SUDS3: variants seen among roughly 807,000 people sequenced by gnomAD.
The protein encoded by SUDS3 is sin3 histone deacetylase corepressor complex component SDS3.
In SUDS3, 23 loss-of-function variants were observed where a neutral mutation model predicts 53.5. That is an observed-to-expected ratio of 0.43 (90% CI 0.31 to 0.61). The LOEUF is 0.61. Among genes scored for constraint, SUDS3 ranks in the 20% least tolerant of loss-of-function variants. SUDS3 has a pLI of 0.10. For missense variants in SUDS3, 291 were observed against 405.9 expected (o/e 0.72, Z 2.43); for synonymous variants, 150 against 148.5 (o/e 1.01, Z -0.08).
At chr12:118,402,231 T>A in intron 9 of SUDS3, 1 of 562,662 alleles carries the variant, frequency 1.8e-6, no homozygotes, top group Non-Finnish European at 3.1e-6. Context: ...TTAGGATTTA[T>A]CATAAAAGAG....
intron 8 of SUDS3, 25 bp from the exon 9 acceptor site, chr12:118,401,958 T>A (rs1264244033): frequency 6.2e-7 from 1 of 1,613,922 alleles, no homozygotes; most frequent in East Asian, 2.2e-5. Flanking sequence ...TTCTCTAAGA[T>A]TTTTTGTTGT....
chr12:118,412,381 A>G (rs1164003633), intron 11 of SUDS3, among the ~76,000 whole-genome samples: 1 of 152,252 alleles, frequency 6.6e-6, no homozygotes, highest in African/African-American at 2.4e-5. Context: ...TGGATTATGA[A>G]GTAACTTAAG....
Position 118,389,927 on chromosome 12 carries a change from A to G in SUDS3, c.341A>G (p.Glu114Gly), listed in dbSNP as rs201143743. 14 of 1,613,914 alleles carry G rather than the reference A, an allele frequency of 8.7e-6. No individual in the cohort carries two copies. The highest frequency in any genetic ancestry group is 1.1e-5 in the Non-Finnish European group (13 of 1,179,892). ...TAATTGCACTTTTTATCTCTTGCAG[A>G]ACTCTTCCTCCAGCTGGAAGTAAGT... ...QQYKERIRNAELFLQLETEQV... is the reference protein window; with the variant it reads ...QQYKERIRNAGLFLQLETEQV... Residue 114 changes from glutamate (E) to glycine (G), a missense_variant and splice_region_variant, in exon 5 of 12, where the codon GAA (glutamate) becomes GGA (glycine). Glu to Gly is a moderately conservative substitution (Grantham distance 98). Transcript: ENST00000543473.
chr12:118,379,505 A>C (rs1026657332), intron 1 of SUDS3, among the ~76,000 whole-genome samples: 1 of 152,170 alleles, frequency 6.6e-6, no homozygotes, highest in Non-Finnish European at 1.5e-5. Flanking sequence ...TTTGTCAGAG[A>C]CTTGAGCAGC....
At chr12:118,406,635 T>G (rs1396998373) in intron 10 of SUDS3, among the ~76,000 whole-genome samples, 1 of 152,152 alleles carries the variant, frequency 6.6e-6, no homozygotes, top group Non-Finnish European at 1.5e-5. Context: ...CATTTGGGGC[T>G]TAGTCTTTGA....
chr12:118,393,257 T>C (rs1331830227), intron 6 of SUDS3, among the ~76,000 whole-genome samples: 1 of 152,228 alleles, frequency 6.6e-6, no homozygotes, highest in African/African-American at 2.4e-5. Flanking sequence ...CCAATATCAT[T>C]GTTGCCCAGC....
In SUDS3 at chr12:118,386,140, A is replaced by G; in HGVS notation, c.295A>G (p.Met99Val). Residue 99 changes from methionine to valine, a missense_variant, in exon 4 of 12, where the codon ATG becomes GTG. Transcript: ENST00000543473. ...TACATTACAGGAATATCAGAAGAGA[A>G]TGAAAAAACTAGATCAGCAGTACAA... ...EGTLQEYQKR[M>V]KKLDQQYKER... 1 of 1,601,680 alleles carries G rather than the reference A, an allele frequency of 6.2e-7. No individual in the cohort carries two copies. Among genetic ancestry groups the G allele is most frequent in the Non-Finnish European group, 8.5e-7 (1 of 1,173,816 alleles).
At chr12:118,379,386 G>A (rs1207347956) in intron 1 of SUDS3, among the ~76,000 whole-genome samples, 2 of 152,096 alleles carry the variant, frequency 1.3e-5, no homozygotes, top group African/African-American at 2.4e-5. Context: ...GCAGTGAGCC[G>A]AGATTGTGCC....
intron 4 of SUDS3, among the ~76,000 whole-genome samples, chr12:118,386,677 C>T (rs2046117562): frequency 6.6e-6 from 1 of 151,830 alleles, no homozygotes; most frequent in African/African-American, 2.4e-5. Flanking sequence ...TGTATTCATT[C>T]AACAAAAATG....
At chr12:118,385,854 G>A (rs1254104837) in intron 3 of SUDS3, among the ~76,000 whole-genome samples, 4 of 152,158 alleles carry the variant, frequency 2.6e-5, no homozygotes, top group African/African-American at 9.7e-5. Flanking sequence ...GATCAGAATA[G>A]TGTGGAGATA....
chr12:118,392,735 C>T (rs2046178758), intron 6 of SUDS3, among the ~76,000 whole-genome samples: 1 of 152,200 alleles, frequency 6.6e-6, no homozygotes, highest in Non-Finnish European at 1.5e-5. Context: ...TCTGCTAGAG[C>T]CACCAGATGT....
chr12:118,379,673 C>G (rs1255671136), intron 1 of SUDS3, among the ~76,000 whole-genome samples: 1 of 152,166 alleles, frequency 6.6e-6, no homozygotes, highest in African/African-American at 2.4e-5. Flanking sequence ...GCGAGTAAGG[C>G]TTGACTGCCT....
intron 10 of SUDS3, among the ~76,000 whole-genome samples, chr12:118,409,592 C>T (rs928806458): frequency 7.2e-5 from 11 of 152,190 alleles, no homozygotes; most frequent in East Asian, 5.8e-4. Flanking sequence ...CTTTACTTGC[C>T]ATGTCTTGGC....
chr12:118,393,282 T>C (rs114925873), intron 6 of SUDS3, among the ~76,000 whole-genome samples: 1,571 of 152,294 alleles, frequency 0.01, 18 homozygotes, highest in African/African-American at 0.036. Flanking sequence ...CCCTGAAAAA[T>C]ACTTTTTAAA....
chr12:118,403,856 C>T (rs2046286849), intron 10 of SUDS3, among the ~76,000 whole-genome samples: 2 of 152,058 alleles, frequency 1.3e-5, no homozygotes, highest in Admixed American at 6.6e-5. Flanking sequence ...CTCCTGTGTG[C>T]TAAGGTTAAT....
At chr12:118,413,300 CA>C (rs910898803) in intron 11 of SUDS3, among the ~76,000 whole-genome samples, 2 of 152,076 alleles carry the variant, frequency 1.3e-5, no homozygotes, top group Non-Finnish European at 2.9e-5. Context: ...GCAGACCTTT[CA>C]AAAAACTGTG....
At chr12:118,396,509 C>T (rs911161175) in intron 6 of SUDS3, among the ~76,000 whole-genome samples, 1 of 152,288 alleles carries the variant, frequency 6.6e-6, no homozygotes, top group East Asian at 1.9e-4. Flanking sequence ...CCTCCTTGGC[C>T]CCCCCAAAGT....
At chr12:118,409,077 T>G (rs1566210285) in intron 10 of SUDS3, among the ~76,000 whole-genome samples, 1 of 152,062 alleles carries the variant, frequency 6.6e-6, no homozygotes, top group Non-Finnish European at 1.5e-5. Context: ...GTTTACCAAC[T>G]AATAAAGGGC....
rs1456798575 is a variant in SUDS3, at chr12:118,415,475, G to C, written c.*1042G>C. The C allele has an allele frequency of 2.0e-5, 3 of 152,142 alleles. No individual in the cohort carries two copies. Among genetic ancestry groups the C allele is most frequent in the Non-Finnish European group, 4.4e-5 (3 of 68,054 alleles). 9.4% of individuals were successfully genotyped at this position (152,142 alleles called of 1,614,324 possible). On this transcript the variant is annotated 3_prime_UTR_variant, in exon 12 of 12. Transcript: ENST00000543473. ...TTGGCCCAGGTTGAAGACAAGGAAA[G>C]CTCTGCTGTGGCTGCCTCTGGACTG...
Sources: allele counts gnomAD v4.1 joint callset (sites outside exome capture counted in the v4.1 genomes callset), GRCh38; gene constraint gnomAD v4.1.1; transcripts MANE v1.5; gene names NCBI Gene and HGNC (gene_info 2026-07-23, HGNC 2026-07-21).